MCTP2: variants seen among roughly 807,000 people sequenced by gnomAD.
MCTP2 encodes multiple C2 and transmembrane domain containing 2.
Under a neutral mutation model 111.6 loss-of-function variants are expected in MCTP2, and 132 were observed. The observed-to-expected ratio is 1.18, with a 90% CI of 1.03 to 1.37. The LOEUF (loss-of-function observed/expected upper bound fraction) is 1.37, where lower values mean the gene tolerates loss of function less well. MCTP2 is among the 40% of genes most tolerant of loss of function. The pLI, the probability that MCTP2 is intolerant of heterozygous loss-of-function variation, is 0.00. For missense variants in MCTP2, 1,183 were observed against 1,067.9 expected, an observed-to-expected ratio of 1.11 and a Z score of -1.50; for synonymous variants, 395 against 387.7, an observed-to-expected ratio of 1.02 and a Z score of -0.22.
At chr15:94,276,787 A>T (rs1015812697) in intron 1 of MCTP2, among the ~76,000 whole-genome samples, 2 of 151,126 alleles carry the variant, frequency 1.3e-5, no homozygotes, top group Non-Finnish European at 2.9e-5. Flanking sequence ...GCAGGAAAAA[A>T]ATCTTTTGGC....
chr15:94,340,059 C>G, intron 5 of MCTP2, 140 bp from the exon 6 acceptor site: 1 of 631,564 alleles, frequency 1.6e-6, no homozygotes, highest in South Asian at 2.1e-5. Flanking sequence ...CTAAATTTCT[C>G]TTTAACTATA....
chr15:94,349,061 C>T (rs935596063), intron 8 of MCTP2, among the ~76,000 whole-genome samples: 6 of 152,008 alleles, frequency 3.9e-5, no homozygotes, highest in African/African-American at 1.2e-4. Context: ...ATCTCTATTT[C>T]ATCTGTCAAT....
chr15:94,245,627 T>G (rs1054518843), intron 1 of MCTP2, among the ~76,000 whole-genome samples: 94 of 145,596 alleles, frequency 6.5e-4, no homozygotes, highest in African/African-American at 2.1e-3. Context: ...CATGTATATA[T>G]ACATATACTT....
chr15:94,273,409 A>G (rs2152301681), intron 1 of MCTP2: 1 of 152,402 alleles, frequency 6.6e-6, no homozygotes, highest in South Asian at 2.1e-4. Context: ...CAATCCCCAT[A>G]TAGAAATTAA....
At chr15:94,463,507 AT>A (rs1159890446) in intron 20 of MCTP2, among the ~76,000 whole-genome samples, 1 of 151,928 alleles carries the variant, frequency 6.6e-6, no homozygotes, top group East Asian at 1.9e-4. Flanking sequence ...ATTATTCTGG[AT>A]TTTTTTCCTT....
chr15:94,470,433 T>C lies in MCTP2; in HGVS notation c.2461T>C (p.Leu821=). 1 of 1,606,286 alleles carries C rather than the reference T, an allele frequency of 6.2e-7. No homozygotes were observed. The highest frequency in any genetic ancestry group is 8.5e-7 in the Non-Finnish European group (1 of 1,172,824). The part of the protein sequence containing the change: ...LYFIPLRYII[L]IWGINKFTKK... ...TTTCATTCCACTGCGGTACATCATT[T>C]TAATCTGGGGTAAGTTTGGAATGGT... is the stretch of plus-strand genomic sequence containing the variant. The change falls in exon 21 of 23, where the codon TTA becomes CTA. Residue 821 remains leucine (L), a synonymous_variant. Transcript: ENST00000357742.
intron 1 of MCTP2, among the ~76,000 whole-genome samples, chr15:94,250,875 T>C (rs2072367698): frequency 6.6e-6 from 1 of 152,190 alleles, no homozygotes; most frequent in African/African-American, 2.4e-5. Flanking sequence ...GAATTGGTGT[T>C]GGGTATTTAT....
intron 14 of MCTP2, among the ~76,000 whole-genome samples, chr15:94,389,837 A>G (rs569054350): frequency 6.7e-4 from 102 of 152,092 alleles, no homozygotes; most frequent in African/African-American, 2.4e-3. Context: ...GAAAATGCAA[A>G]CTATATTTTT....
intron 4 of MCTP2, among the ~76,000 whole-genome samples, chr15:94,325,032 C>T (rs2076794632): frequency 6.6e-6 from 1 of 152,172 alleles, no homozygotes. Flanking sequence ...CCTCTGGGCA[C>T]CTCTGTTAGG....
chr15:94,380,810 T>C (rs2080095376), intron 12 of MCTP2, among the ~76,000 whole-genome samples: 1 of 151,856 alleles, frequency 6.6e-6, no homozygotes. Context: ...GATATGACAA[T>C]TGTAACACAT....
chr15:94,356,219 T>C lies in MCTP2; in HGVS notation c.1088T>C (p.Leu363Ser). The C allele has an allele frequency of 1.9e-6, 3 of 1,613,602 alleles. No homozygotes were observed. Among genetic ancestry groups the C allele is most frequent in the African/African-American group, 2.7e-5 (2 of 75,024 alleles). ...LWNGIISITL[L>S]EGKNVSGGSM... Reference sequence around the variant, plus strand: ...AACGGGATTATAAGTATAACTTTGTTGGAAGGGAAGAATGTCTCAGGAGGA... The same window carrying C: ...AACGGGATTATAAGTATAACTTTGTCGGAAGGGAAGAATGTCTCAGGAGGA... The change falls in exon 9 of 23, where the codon TTG (leucine) becomes TCG (serine). Residue 363 changes from leucine (L) to serine (S), a missense_variant. Leu to Ser is a moderately radical substitution (Grantham distance 145, BLOSUM62 -2). Coordinates refer to ENST00000357742, the MANE Select transcript of MCTP2 (RefSeq NM_001385001.1).
intron 1 of MCTP2, among the ~76,000 whole-genome samples, chr15:94,265,705 G>A (rs549945430): frequency 2.3e-4 from 35 of 152,144 alleles, no homozygotes; most frequent in Admixed American, 7.2e-4. Context: ...TGGGTAAATT[G>A]TATATTATAT....
At chr15:94,232,093 C>T (rs1156528163) in intron 1 of MCTP2, 2 of 152,120 alleles carry the variant, frequency 1.3e-5, no homozygotes, top group African/African-American at 4.8e-5. Context: ...GACATTTGCT[C>T]AACGACACCG....
At chr15:94,356,085 A>G in intron 8 of MCTP2, 52 bp from the exon 9 acceptor site, 1 of 1,401,540 alleles carries the variant, frequency 7.1e-7, no homozygotes, top group Non-Finnish European at 9.4e-7. Flanking sequence ...CATCAAAGTC[A>G]CTCTCAGGAA....
rs578107796 is a variant in MCTP2 at position 94,479,726 on chromosome 15, G to T, written c.*692G>T. On this transcript the variant is annotated 3_prime_UTR_variant, in exon 23 of 23. Transcript: ENST00000357742. ...CCTAGAGATCACTCACTTGAAAAATGAGGGTCCCATGAAAGTATTTGGTTG... is the reference window on the plus strand; with the variant it reads ...CCTAGAGATCACTCACTTGAAAAATTAGGGTCCCATGAAAGTATTTGGTTG... The T allele has an allele frequency of 2.0e-5, 3 of 152,186 alleles. No individual in the cohort carries two copies. In the East Asian group the frequency reaches 5.8e-4, roughly 29 times the overall value. The allele number at this position is 152,186 out of a possible 1,614,324, so 9.4% of individuals were successfully genotyped here.
intron 1 of MCTP2, among the ~76,000 whole-genome samples, chr15:94,293,372 A>G (rs780317792): frequency 2.6e-5 from 4 of 152,230 alleles, no homozygotes; most frequent in Non-Finnish European, 4.4e-5. Context: ...AGAAAACCCA[A>G]TTTCTAAAAA....
chr15:94,439,610 G>A (rs376103147), intron 17 of MCTP2, among the ~76,000 whole-genome samples: 2 of 152,122 alleles, frequency 1.3e-5, no homozygotes. Context: ...TCTATGTGAG[G>A]AGTCACAAAT....
At chr15:94,458,987 T>G (rs1000282853) in intron 20 of MCTP2, among the ~76,000 whole-genome samples, 1 of 151,912 alleles carries the variant, frequency 6.6e-6, no homozygotes, top group Non-Finnish European at 1.5e-5. Flanking sequence ...ATAGCTAAAC[T>G]CTCTAATGGA....
intron 17 of MCTP2, chr15:94,403,335 C>A: frequency 4.0e-6 from 3 of 745,648 alleles, no homozygotes; most frequent in Non-Finnish European, 4.9e-6. Flanking sequence ...TGGCTTCATG[C>A]GTTGAGTTCC....
Sources: gnomAD v4.1 joint callset for allele counts (sites outside exome capture counted in the v4.1 genomes callset) on GRCh38, gnomAD v4.1.1 for gene constraint, MANE v1.5 for transcripts, NCBI Gene and HGNC (gene_info 2026-07-23, HGNC 2026-07-21) for gene names.